CPS1: variants seen among roughly 807,000 people sequenced by gnomAD.
CPS1 encodes carbamoyl-phosphate synthase 1.
A neutral mutation model predicts 174.6 loss-of-function variants in CPS1; 109 were observed. The ratio of observed to expected loss-of-function variants is 0.62; its 90% CI spans 0.53 to 0.73. CPS1 has a LOEUF of 0.73. CPS1 is among the 30% of genes least tolerant of loss of function. The pLI, the probability that CPS1 is intolerant of heterozygous loss-of-function variation, is 0.00. For missense variants in CPS1, 1,689 were observed against 1,821.9 expected (o/e 0.93, Z 1.33); for synonymous variants, 637 against 632.0 (o/e 1.01, Z -0.12).
chr2:210,666,429 A>C (rs1184784733), intron 33 of CPS1, among the ~76,000 whole-genome samples: 1 of 151,504 alleles, frequency 6.6e-6, no homozygotes, highest in East Asian at 1.9e-4. Context: ...GGTAATGCCT[A>C]GGTTTTCTTC....
rs143608594 is a variant in CPS1 at position 210,590,842 on chromosome 2, A to G, written c.883A>G (p.Thr295Ala). 3 of 1,611,230 alleles carry G rather than the reference A, an allele frequency of 1.9e-6. No individual in the cohort carries two copies. The African/African-American group carries it at 4.0e-5, about 22-fold the overall frequency. The change falls in exon 9 of 38, where the codon ACA (threonine) becomes GCA (alanine). Residue 295 changes from threonine to alanine, a missense_variant. Thr to Ala is a moderately conservative substitution (Grantham distance 58). Coordinates refer to ENST00000233072, the MANE Select transcript of CPS1 (RefSeq NM_001875.5). ...CAAGGAGCCATTGTTTGGAATCAGT[A>G]CAGGAAACTTAATAACAGGATTGGC... ...DRKEPLFGIS[T>A]GNLITGLAAG...
chr2:210,616,333 A>G, intron 20 of CPS1, 90 bp from the exon 21 acceptor site: 1 of 863,082 alleles, frequency 1.2e-6, no homozygotes, highest in South Asian at 1.3e-5. Context: ...TCTAAATAAC[A>G]CACAGAGGCA....
intron 1 of CPS1, among the ~76,000 whole-genome samples, chr2:210,521,912 G>A (rs1339457845): frequency 6.6e-6 from 1 of 151,810 alleles, no homozygotes; most frequent in Non-Finnish European, 1.5e-5. Flanking sequence ...ATATCCTTAA[G>A]CATTGTTCTA....
intron 19 of CPS1, among the ~76,000 whole-genome samples, chr2:210,610,401 C>T (rs1248544482): frequency 1.3e-5 from 2 of 151,802 alleles, no homozygotes; most frequent in African/African-American, 2.4e-5. Context: ...ACGCAAGACA[C>T]TGGGAGGATT....
At chr2:210,508,178 C>T (rs1025697151) in intron 1 of CPS1, among the ~76,000 whole-genome samples, 26 of 150,422 alleles carry the variant, frequency 1.7e-4, no homozygotes, top group Non-Finnish European at 3.3e-4. Context: ...AACAAACTGT[C>T]TCTCAGACCA....
In CPS1 at chr2:210,576,237, T is replaced by G. The variant is rs531855989; in HGVS notation, c.237-109T>G. The G allele has an allele frequency of 4.2e-6, 5 of 1,200,942 alleles. No individual in the cohort carries two copies. In the Admixed American group the frequency reaches 5.1e-5, roughly 12 times the overall value. 74.4% of individuals were successfully genotyped at this position (1,200,942 alleles called of 1,614,324 possible). On this transcript the variant is annotated intron_variant, in intron 2 of 37. Transcript: ENST00000233072. ...ACGTTAAAATCTAGAGACATTCTTG[T>G]TGGATTCTTCTCATTTTCAAGGGTT... is the stretch of plus-strand genomic sequence containing the variant.
intron 29 of CPS1, among the ~76,000 whole-genome samples, chr2:210,655,605 T>C (rs1700678915): frequency 6.6e-6 from 1 of 152,138 alleles, no homozygotes; most frequent in South Asian, 2.1e-4. Flanking sequence ...TTGTAAAAAA[T>C]GAGCTCTTAC....
Position 210,600,451 on chromosome 2 carries a change from C to T in CPS1, c.1550-104C>T, listed in dbSNP as rs1453454110. 3.4e-6 allele frequency: 4 copies of T among 1,163,254 alleles called. No individual in the cohort carries two copies. The East Asian group carries it at 7.3e-5, about 21-fold the overall frequency. 72.1% of individuals were successfully genotyped at this position (1,163,254 alleles called of 1,614,324 possible). ...GCAATTCTATTGTAGACAGTGGTAA[C>T]TTCTCGGATTTTAAGATTAAAAAAG... On this transcript the variant is annotated intron_variant, in intron 14 of 37. Transcript: ENST00000233072.
Position 210,637,794 on chromosome 2 carries a change from A to G in CPS1, c.2780A>G (p.Gln927Arg), listed in dbSNP as rs992691280. 1.2e-6 allele frequency: 2 copies of G among 1,614,042 alleles called. No homozygotes were observed. The highest frequency in any genetic ancestry group is 1.1e-5 in the South Asian group (1 of 91,078). ...AAATGCCTTGGGCTCACTGAGGCCC[A>G]GACAAGGGAGCTGAGGTTAAAGAAA... is the stretch of plus-strand genomic sequence containing the variant. ...ISKCLGLTEA[Q>R]TRELRLKKNI... Residue 927 changes from glutamine (Q) to arginine (R), a missense_variant, in exon 22 of 38, where the codon CAG becomes CGG. Transcript: ENST00000233072.
intron 1 of CPS1, among the ~76,000 whole-genome samples, chr2:210,567,753 T>C (rs1186294674): frequency 6.6e-6 from 1 of 152,178 alleles, no homozygotes; most frequent in East Asian, 1.9e-4. Context: ...AGGGTACTTT[T>C]TGGGCAGCAA....
intron 11 of CPS1, among the ~76,000 whole-genome samples, chr2:210,593,922 A>G (rs898407048): frequency 2.0e-5 from 3 of 151,932 alleles, no homozygotes; most frequent in Admixed American, 1.3e-4. Flanking sequence ...ATTAGCATAT[A>G]TTAGTACTTC....
rs914641824 is a variant in CPS1 at position 210,584,108 on chromosome 2, G to A, written c.621+1399G>A. On this transcript the variant is annotated intron_variant, in intron 6 of 37. Transcript: ENST00000233072. Reference sequence around the variant, plus strand: ...TTTTTTAAAGAAAAGTTTTTGATCCGCTTTGAAACTTAAAGGAAGAATTGC... The same window carrying A: ...TTTTTTAAAGAAAAGTTTTTGATCCACTTTGAAACTTAAAGGAAGAATTGC... Among the ~76,000 whole-genome samples, 68 of 152,018 alleles carry A rather than the reference G, an allele frequency of 4.5e-4. 2 individuals carry two copies. The highest frequency in any genetic ancestry group is 9.7e-5 in the African/African-American group (4 of 41,426).
intron 18 of CPS1, among the ~76,000 whole-genome samples, chr2:210,608,117 C>T (rs939001818): frequency 6.6e-6 from 1 of 151,784 alleles, no homozygotes; most frequent in Non-Finnish European, 1.5e-5. Context: ...GAAGGTTGAG[C>T]GTTGTAGCAA....
chr2:210,492,563 C>CTT (rs1018921200), intron 1 of CPS1, among the ~76,000 whole-genome samples: 1 of 144,282 alleles, frequency 6.9e-6, no homozygotes, highest in Non-Finnish European at 1.5e-5. Context: ...TTAGAAGATA[C>CTT]TTTTTTTTTT....
At chr2:210,608,758 A>G (rs938367558) in intron 19 of CPS1, among the ~76,000 whole-genome samples, 199 bp downstream of exon 19, 2 of 151,928 alleles carry the variant, frequency 1.3e-5, no homozygotes, top group African/African-American at 4.8e-5. Flanking sequence ...TACATATTAC[A>G]TATGTTACAT....
intron 1 of CPS1, among the ~76,000 whole-genome samples, chr2:210,489,828 C>G (rs6725979): frequency 6.6e-6 from 1 of 151,718 alleles, no homozygotes; most frequent in Non-Finnish European, 1.5e-5. Flanking sequence ...GAAACCCCGT[C>G]TCTACTGAAA....
intron 1 of CPS1, among the ~76,000 whole-genome samples, chr2:210,541,134 C>G (rs1696411006): frequency 6.6e-6 from 1 of 152,120 alleles, no homozygotes; most frequent in African/African-American, 2.4e-5. Flanking sequence ...GGAGTGCACT[C>G]AGTCCAGAGG....
In CPS1 at chr2:210,656,609, A is replaced by G. The variant is rs141373204; in HGVS notation, c.3643A>G (p.Ile1215Val). Residue 1215 changes from isoleucine (I) to valine (V), a missense_variant, in exon 30 of 38, where the codon ATC (isoleucine) becomes GTC (valine). Transcript: ENST00000233072. ...CACTCTGATGCTGCCCACACAAACC[A>G]TCAGCCAAGGGGCCATTGAAAAGGT... Reference protein sequence around the residue: ...DATLMLPTQTISQGAIEKVKD... With the variant: ...DATLMLPTQTVSQGAIEKVKD... The G allele has an allele frequency of 1.1e-3, 1,798 of 1,611,068 alleles. 11 individuals are homozygous for G. The Middle Eastern group carries it at 0.012, about 11-fold the overall frequency.
chr2:210,498,403 A>AT (rs1414221113), intron 1 of CPS1, among the ~76,000 whole-genome samples: 1 of 150,862 alleles, frequency 6.6e-6, no homozygotes, highest in East Asian at 2.0e-4. Flanking sequence ...ATTTTATTTT[A>AT]TTTTTTTCTG....
Sources: allele counts gnomAD v4.1 joint callset (sites outside exome capture counted in the v4.1 genomes callset), GRCh38; gene constraint gnomAD v4.1.1; transcripts MANE v1.5; gene names NCBI Gene and HGNC (gene_info 2026-07-23, HGNC 2026-07-21).